PLXDC2: variants seen among roughly 807,000 people sequenced by gnomAD.
PLXDC2 encodes plexin domain-containing protein 2.
A neutral mutation model predicts 68.9 loss-of-function variants in PLXDC2; 40 were observed. That is an observed-to-expected ratio of 0.58 (90% CI 0.45 to 0.76). The LOEUF is 0.76. Ranked by LOEUF, PLXDC2 falls within the 30% of genes least tolerant of loss-of-function variation. The pLI is 0.00. For missense variants in PLXDC2, 644 were observed against 661.9 expected (o/e 0.97, Z 0.30); for synonymous variants, 243 against 234.2 (o/e 1.04, Z -0.34).
At chr10:20,000,291 T>G (rs948988815) in intron 1 of PLXDC2, among the ~76,000 whole-genome samples, 34 of 152,018 alleles carry the variant, frequency 2.2e-4, no homozygotes, top group African/African-American at 8.2e-4. Flanking sequence ...TTTTGTTTTG[T>G]TTTTTTAGCC....
chr10:20,019,151 C>T (rs1248069296), intron 2 of PLXDC2, among the ~76,000 whole-genome samples: 2 of 133,266 alleles, frequency 1.5e-5, no homozygotes, highest in South Asian at 2.6e-4. Flanking sequence ...GAAGCTCAAC[C>T]AAATAAAAAA....
chr10:19,952,244 G>A (rs1589553405), intron 1 of PLXDC2, among the ~76,000 whole-genome samples: 1 of 152,100 alleles, frequency 6.6e-6, no homozygotes, highest in Non-Finnish European at 1.5e-5. Context: ...TTCCTCCCTT[G>A]AGTATCCAAG....
At chr10:20,245,551 T>C in intron 13 of PLXDC2, 46 bp downstream of exon 13, 2 of 1,552,670 alleles carry the variant, frequency 1.3e-6, no homozygotes, top group Non-Finnish European at 1.8e-6. Flanking sequence ...GTTGATGAAC[T>C]GTATCCGTTT....
chr10:20,050,212 C>G lies in PLXDC2; in HGVS notation c.471+3197C>G, dbSNP rs112505265. Among the ~76,000 whole-genome samples, 49 of 152,132 alleles carry G rather than the reference C, an allele frequency of 3.2e-4. No homozygotes were observed. In the East Asian group the frequency reaches 9.3e-3, roughly 29 times the overall value. On this transcript the variant is annotated intron_variant, in intron 3 of 13. Coordinates refer to ENST00000377252, the MANE Select transcript of PLXDC2 (RefSeq NM_032812.9). Reference sequence around the variant, plus strand: ...TTACACCATATACAAAAAATCAATTCGAGATGGACTAAAGACTTAGATGTA... The same window carrying G: ...TTACACCATATACAAAAAATCAATTGGAGATGGACTAAAGACTTAGATGTA...
At chr10:20,082,323 G>T (rs1285179737) in intron 4 of PLXDC2, among the ~76,000 whole-genome samples, 2 of 151,708 alleles carry the variant, frequency 1.3e-5, no homozygotes, top group Non-Finnish European at 2.9e-5. Flanking sequence ...CCTTTGTCAA[G>T]GGATGTATGA....
At chr10:20,123,462 C>T (rs1281832567) in intron 4 of PLXDC2, among the ~76,000 whole-genome samples, 8 of 152,066 alleles carry the variant, frequency 5.3e-5, no homozygotes, top group East Asian at 1.9e-4. Flanking sequence ...ATGGAAAAAT[C>T]GAAAGTGCCG....
chr10:19,819,481 T>TGG (rs11428332), intron 1 of PLXDC2, among the ~76,000 whole-genome samples: 2 of 151,970 alleles, frequency 1.3e-5, no homozygotes, highest in African/African-American at 2.4e-5. Flanking sequence ...AAATTCAGTA[T>TGG]GGGGGGAAAA....
At chr10:20,048,230 A>G (rs1315741091) in intron 3 of PLXDC2, among the ~76,000 whole-genome samples, 2 of 152,160 alleles carry the variant, frequency 1.3e-5, no homozygotes, top group African/African-American at 4.8e-5. Flanking sequence ...TCCTGTTATC[A>G]GGAGATCCAT....
At chr10:20,048,931 C>T (rs924146445) in intron 3 of PLXDC2, among the ~76,000 whole-genome samples, 4 of 152,092 alleles carry the variant, frequency 2.6e-5, no homozygotes, top group African/African-American at 9.7e-5. Flanking sequence ...TTGCTTTTAA[C>T]ACTTGAGGTT....
intron 12 of PLXDC2, among the ~76,000 whole-genome samples, chr10:20,229,713 T>C (rs1351571627): frequency 1.3e-5 from 2 of 152,194 alleles, no homozygotes; most frequent in Non-Finnish European, 2.9e-5. Flanking sequence ...TTTAGTTTTA[T>C]TCTTCAGAGC....
chr10:20,128,972 T>G (rs979382091), intron 4 of PLXDC2, among the ~76,000 whole-genome samples: 1 of 152,192 alleles, frequency 6.6e-6, no homozygotes, highest in African/African-American at 2.4e-5. Flanking sequence ...TTGCACATAC[T>G]GATTTCACTT....
At chr10:19,954,156 G>T (rs1026061119) in intron 1 of PLXDC2, among the ~76,000 whole-genome samples, 2 of 152,088 alleles carry the variant, frequency 1.3e-5, no homozygotes, top group Non-Finnish European at 2.9e-5. Flanking sequence ...AAATGTGTGG[G>T]CTTATCTTTT....
chr10:20,082,064 C>CAAAAAAAAAAAAAAAA lies in PLXDC2; in HGVS notation c.541+13837_541+13838insAAAAAAAAAAAAAAAA, dbSNP rs1252447303. 4.9e-4 allele frequency among the ~76,000 whole-genome samples: 34 copies of CAAAAAAAAAAAAAAAA among 70,042 alleles called. 10 individuals are homozygous for CAAAAAAAAAAAAAAAA. The highest frequency in any genetic ancestry group is 1.2e-3 in the African/African-American group (21 of 17,474). The allele number at this position is 70,042 out of a possible 152,430, so 46.0% of individuals were successfully genotyped here. A position where few individuals can be genotyped will look rare whatever the true frequency, so the allele number is the denominator to read the frequency against. ...CCATCTGAAAAAAAAAAAAAAAAAT[C>CAAAAAAAAAAAAAAAA]AAAAAAAAAAAACAGGAGAAGTCTG... is the stretch of plus-strand genomic sequence containing the variant. On this transcript the variant is annotated intron_variant, in intron 4 of 13. Transcript: ENST00000377252.
chr10:20,240,441 C>A (rs910642199), intron 12 of PLXDC2, among the ~76,000 whole-genome samples: 1 of 151,910 alleles, frequency 6.6e-6, no homozygotes, highest in African/African-American at 2.4e-5. Flanking sequence ...TGAGTATATA[C>A]CCAGGATACT....
chr10:19,847,356 C>T (rs935402304), intron 1 of PLXDC2, among the ~76,000 whole-genome samples: 1 of 152,202 alleles, frequency 6.6e-6, no homozygotes, highest in African/African-American at 2.4e-5. Context: ...CTTCTGGGAA[C>T]TCAGAAGGAG....
At chr10:20,113,852 G>A (rs1011057436) in intron 4 of PLXDC2, among the ~76,000 whole-genome samples, 3 of 152,176 alleles carry the variant, frequency 2.0e-5, no homozygotes, top group Admixed American at 1.3e-4. Context: ...GTGGCTGGGT[G>A]TGGTGTCTCA....
intron 9 of PLXDC2, among the ~76,000 whole-genome samples, chr10:20,205,267 G>A (rs1032661658): frequency 6.6e-6 from 1 of 151,916 alleles, no homozygotes; most frequent in Non-Finnish European, 1.5e-5. Context: ...GAAATTGAAT[G>A]GAAATTAGTA....
At chr10:19,882,724 T>A (rs1019221726) in intron 1 of PLXDC2, among the ~76,000 whole-genome samples, 2 of 152,208 alleles carry the variant, frequency 1.3e-5, no homozygotes, top group Admixed American at 6.5e-5. Context: ...CAGTAGCATA[T>A]GTCAGAAAGA....
At chr10:20,016,551 A>G (rs1326694688) in intron 2 of PLXDC2, among the ~76,000 whole-genome samples, 1 of 152,210 alleles carries the variant, frequency 6.6e-6, no homozygotes, top group African/African-American at 2.4e-5. Flanking sequence ...CTGCAAAAGA[A>G]TACACTGAAG....
Sources: allele counts gnomAD v4.1 joint callset (sites outside exome capture counted in the v4.1 genomes callset), GRCh38; gene constraint gnomAD v4.1.1; transcripts MANE v1.5; gene names NCBI Gene and HGNC (gene_info 2026-07-23, HGNC 2026-07-21).